Variants in UCP2 observed in about 807,000 individuals in gnomAD.
UCP2 encodes uncoupling protein 2.
A neutral mutation model predicts 31.3 loss-of-function variants in UCP2; 27 were observed. That is an observed-to-expected ratio of 0.86 (90% CI 0.64 to 1.19). The LOEUF (loss-of-function observed/expected upper bound fraction) is 1.19. UCP2 is among the 50% of genes most tolerant of loss of function. The probability of loss-of-function intolerance (pLI) is 0.00; values close to 1 mark genes in which losing one functional copy is unlikely to be tolerated. For missense variants in UCP2, 377 were observed against 413.5 expected (o/e 0.91, Z 0.76); for synonymous variants, 142 against 157.4 (o/e 0.90, Z 0.73).
intron 7 of UCP2, 36 bp from the exon 8 acceptor site, chr11:73,975,157 C>T: frequency 3.9e-6 from 6 of 1,550,290 alleles, no homozygotes; most frequent in Non-Finnish European, 5.3e-6. Context: ...GGGGGCACCT[C>T]CACCTCCCAC....
At chr11:73,977,587 C>T (rs1459903542) in intron 4 of UCP2, among the ~76,000 whole-genome samples, 1 of 152,158 alleles carries the variant, frequency 6.6e-6, no homozygotes, top group African/African-American at 2.4e-5. Context: ...GTGCCCCTGG[C>T]CAAGTCCCCA....
In UCP2 at chr11:73,982,127, T is replaced by C. The variant is rs540378419; in HGVS notation, c.-256-495A>G. Among the ~76,000 whole-genome samples the C allele has an allele frequency of 1.8e-4, 27 of 152,270 alleles. No individual in the cohort carries two copies. In the South Asian group the frequency reaches 4.1e-3, roughly 23 times the overall value. On this transcript the variant is annotated intron_variant, in intron 1 of 7. Transcript: ENST00000663595. ...GAGCTGCCTGGTAAGGGAGAGGTCA[T>C]TGTGGTCATCGCTGATGGTCCCCAT...
rs1951307581 is a variant in UCP2, at chr11:73,974,757, GGA to G, written c.*248_*249del. 1.9e-6 allele frequency: 1 copy of G among 537,562 alleles called. No homozygotes were observed. The highest frequency in any genetic ancestry group is 3.3e-5 in the East Asian group (1 of 30,496). 33.3% of individuals were successfully genotyped at this position (537,562 alleles called of 1,614,324 possible). ...GAAGATTCTGGCTGAACTTTCCAAGGGACGGGACGCTTGGGATCCTGGCTGGT... is the reference window on the plus strand; with the variant it reads ...GAAGATTCTGGCTGAACTTTCCAAGGCGGGACGCTTGGGATCCTGGCTGGT... On this transcript the variant is annotated 3_prime_UTR_variant, in exon 8 of 8. Coordinates refer to ENST00000663595, the MANE Select transcript of UCP2 (RefSeq NM_003355.3).
At chr11:73,980,075 C>T (rs1009261555) in intron 2 of UCP2, 4 of 152,270 alleles carry the variant, frequency 2.6e-5, no homozygotes, top group Non-Finnish European at 4.4e-5. Context: ...ATAAAGTAAA[C>T]CAAAAGCCCC....
chr11:73,981,092 A>C (rs1951445885), intron 2 of UCP2: 1 of 152,228 alleles, frequency 6.6e-6, no homozygotes, highest in Admixed American at 6.5e-5. Context: ...GTCCCCAGCA[A>C]ATAACCAGTT....
intron 6 of UCP2, among the ~76,000 whole-genome samples, chr11:73,975,998 C>T (rs1164637986): frequency 1.3e-5 from 2 of 151,792 alleles, no homozygotes; most frequent in Non-Finnish European, 2.9e-5. Context: ...TCAGGGAGGT[C>T]GAGGCTGCAA....
rs12798070 is a variant in UCP2, at chr11:73,982,730, G to A, written c.-266C>T. ...CTGGGGCCAGGCTCACCGAGCCGCA[G>A]GGAGAACACGGCAGTGCGTGCGGCT... On this transcript the variant is annotated 5_prime_UTR_variant, in exon 1 of 8. Coordinates refer to ENST00000663595, the MANE Select transcript of UCP2 (RefSeq NM_003355.3). 2.0e-5 allele frequency: 3 copies of A among 152,668 alleles called. No homozygotes were observed. The highest frequency in any genetic ancestry group is 2.4e-5 in the African/African-American group (1 of 41,602). The allele number at this position is 152,668 out of a possible 1,614,324, so 9.5% of individuals were successfully genotyped here.
In UCP2 at chr11:73,974,970, C is replaced by G. The variant is rs1234777811; in HGVS notation, c.*37G>C. ...AAGGAAAGCATGGCCCGGCTAGAGACAAAGCCAGAGGTGATCAGGTCAGCA... is the reference window on the plus strand; with the variant it reads ...AAGGAAAGCATGGCCCGGCTAGAGAGAAAGCCAGAGGTGATCAGGTCAGCA... On this transcript the variant is annotated 3_prime_UTR_variant, in exon 8 of 8. Transcript: ENST00000663595. 1 of 1,351,970 alleles carries G rather than the reference C, an allele frequency of 7.4e-7. No individual in the cohort carries two copies. The highest frequency in any genetic ancestry group is 2.4e-5 in the Admixed American group (1 of 41,952). 83.7% of individuals were successfully genotyped at this position (1,351,970 alleles called of 1,614,324 possible).
chr11:73,978,216 T>G, intron 3 of UCP2, 37 bp downstream of exon 3: 1 of 1,613,698 alleles, frequency 6.2e-7, no homozygotes. Flanking sequence ...GGGAACAGAG[T>G]AGACACCATC....
At chr11:73,977,743 G>A in intron 4 of UCP2, 143 bp downstream of exon 4, 3 of 1,124,388 alleles carry the variant, frequency 2.7e-6, no homozygotes, top group Non-Finnish European at 3.8e-6. Context: ...ACTATGTGGA[G>A]GACCAGGGCC....
chr11:73,980,630 C>G (rs1274669976), intron 2 of UCP2: 1 of 152,238 alleles, frequency 6.6e-6, no homozygotes, highest in South Asian at 2.1e-4. Flanking sequence ...TGCAAGGTGG[C>G]TGCCCTTATT....
At position 73,975,468 on chromosome 11, in the gene UCP2, G is replaced by C; in HGVS notation, c.815+23C>G. ...ATGCATAGCCAAGAGGCCTGAACTG[G>C]GTGGGGAGGACCAGAGGCTCACCCT... On this transcript the variant is annotated intron_variant, in intron 7 of 7. Transcript: ENST00000663595. 4 of 1,602,206 alleles carry C rather than the reference G, an allele frequency of 2.5e-6. No individual in the cohort carries two copies. The South Asian group carries it at 4.4e-5, about 18-fold the overall frequency.
intron 4 of UCP2, 87 bp downstream of exon 4, chr11:73,977,799 C>T: frequency 6.3e-7 from 1 of 1,578,048 alleles, no homozygotes; most frequent in Non-Finnish European, 8.7e-7. Context: ...ATCGTGGGGC[C>T]TAAAAAACTA....
intron 2 of UCP2, 184 bp downstream of exon 2, chr11:73,981,292 C>G (rs990010238): frequency 2.6e-5 from 4 of 152,114 alleles, no homozygotes; most frequent in Admixed American, 2.0e-4. Context: ...TTGGCTTGTC[C>G]GAGTCAGCTG....
chr11:73,980,120 C>G (rs1021281955), intron 2 of UCP2: 3 of 152,340 alleles, frequency 2.0e-5, no homozygotes, highest in African/African-American at 7.2e-5. Flanking sequence ...CCCTCCTCCA[C>G]TGCCCCAGGA....
At chr11:73,982,229 G>C (rs1283235203) in intron 1 of UCP2, among the ~76,000 whole-genome samples, 3 of 152,234 alleles carry the variant, frequency 2.0e-5, no homozygotes, top group African/African-American at 7.2e-5. Flanking sequence ...AACTGAACGG[G>C]AGAGGGAAAG....
At chr11:73,980,409 A>C (rs1000712049) in intron 2 of UCP2, among the ~76,000 whole-genome samples, 1 of 152,220 alleles carries the variant, frequency 6.6e-6, no homozygotes, top group African/African-American at 2.4e-5. Flanking sequence ...TGGGACCTAT[A>C]GAACAGGGCC....
At chr11:73,977,770 T>G in intron 4 of UCP2, 116 bp downstream of exon 4, 1 of 1,385,122 alleles carries the variant, frequency 7.2e-7, no homozygotes, top group East Asian at 2.3e-5. Flanking sequence ...AGTTCTCTGT[T>G]CCCCTGATCT....
Position 73,974,928 on chromosome 11 carries a change from A to C in UCP2, c.*79T>G. On this transcript the variant is annotated 3_prime_UTR_variant, in exon 8 of 8. Coordinates refer to ENST00000663595, the MANE Select transcript of UCP2 (RefSeq NM_003355.3). ...GGGAAGGAGAGAAGGGAAGGAGGGA[A>C]GAGAAAGAAGGAAGAAAAGGAAAGC... is the stretch of plus-strand genomic sequence containing the variant. 3 of 1,176,622 alleles carry C rather than the reference A, an allele frequency of 2.5e-6. No homozygotes were observed. The highest frequency in any genetic ancestry group is 2.5e-6 in the Non-Finnish European group (2 of 803,374). 72.9% of individuals were successfully genotyped at this position (1,176,622 alleles called of 1,614,324 possible).
Sources: allele counts gnomAD v4.1 joint callset (sites outside exome capture counted in the v4.1 genomes callset), GRCh38; gene constraint gnomAD v4.1.1; transcripts MANE v1.5; gene names NCBI Gene and HGNC (gene_info 2026-07-23, HGNC 2026-07-21).